The following CADPS2 variants were observed in gnomAD, a reference collection of about 807,000 sequenced individuals.
The protein encoded by CADPS2 is calcium dependent secretion activator 2, also known as calcium-dependent secretion activator 2.
In CADPS2, 93 loss-of-function variants were observed where a neutral mutation model predicts 172.5. The ratio of observed to expected loss-of-function variants is 0.54; its 90% CI spans 0.46 to 0.64. The LOEUF (loss-of-function observed/expected upper bound fraction) is 0.64, where lower values mean the gene tolerates loss of function less well. Among genes scored for constraint, CADPS2 ranks in the 30% least tolerant of loss-of-function variants. CADPS2 has a pLI of 0.00. For missense variants in CADPS2, 1,420 were observed against 1,565.9 expected (o/e 0.91, Z 1.57); for synonymous variants, 546 against 555.2 (o/e 0.98, Z 0.23).
At chr7:122,432,430 A>G (rs2151902510) in intron 17 of CADPS2, among the ~76,000 whole-genome samples, 1 of 152,214 alleles carries the variant, frequency 6.6e-6, no homozygotes, top group East Asian at 1.9e-4. Context: ...ACCTGAGGTC[A>G]GGAGTTCAAG....
At chr7:122,462,008 G>GA (rs1387898639) in intron 14 of CADPS2, among the ~76,000 whole-genome samples, 4 of 152,020 alleles carry the variant, frequency 2.6e-5, no homozygotes, top group African/African-American at 7.2e-5. Flanking sequence ...AACTTTCTTT[G>GA]AAAAAATAGG....
At chr7:122,701,334 G>T (rs182867883) in intron 2 of CADPS2, among the ~76,000 whole-genome samples, 2 of 151,910 alleles carry the variant, frequency 1.3e-5, no homozygotes, top group Non-Finnish European at 2.9e-5. Context: ...GCGAACTATC[G>T]CAAGGACAAA....
intron 7 of CADPS2, among the ~76,000 whole-genome samples, chr7:122,569,978 A>C (rs913679096): frequency 1.2e-4 from 18 of 149,496 alleles, no homozygotes; most frequent in Non-Finnish European, 2.4e-4. Flanking sequence ...GTGGGCAAGG[A>C]CTTCATGTCT....
At chr7:122,443,445 A>G (rs1390683644) in intron 15 of CADPS2, among the ~76,000 whole-genome samples, 3 of 152,202 alleles carry the variant, frequency 2.0e-5, no homozygotes, top group Non-Finnish European at 4.4e-5. Flanking sequence ...ATTATCAAAT[A>G]AAATTCAGCC....
intron 27 of CADPS2, among the ~76,000 whole-genome samples, chr7:122,356,895 C>T (rs141627683): frequency 6.6e-4 from 101 of 152,140 alleles, no homozygotes; most frequent in African/African-American, 2.3e-3. Context: ...TTTTTCAGCA[C>T]CAGCCATTTC....
At chr7:122,474,175 G>C (rs1404528756) in intron 13 of CADPS2, among the ~76,000 whole-genome samples, 1 of 152,108 alleles carries the variant, frequency 6.6e-6, no homozygotes, top group African/African-American at 2.4e-5. Context: ...CACAGCAGTG[G>C]TCTTCAAGTG....
At chr7:122,783,496 G>A (rs919470695) in intron 1 of CADPS2, among the ~76,000 whole-genome samples, 1 of 152,152 alleles carries the variant, frequency 6.6e-6, no homozygotes, top group African/African-American at 2.4e-5. Context: ...CTGTGGGGGT[G>A]TCTGTCCCTT....
At chr7:122,564,894 T>G (rs1477886927) in intron 7 of CADPS2, among the ~76,000 whole-genome samples, 1 of 147,926 alleles carries the variant, frequency 6.8e-6, no homozygotes, top group Non-Finnish European at 1.5e-5. Flanking sequence ...TACCCAGACA[T>G]AAGAGAGAAT....
chr7:122,560,395 T>C (rs2065600804), intron 7 of CADPS2, among the ~76,000 whole-genome samples: 1 of 152,136 alleles, frequency 6.6e-6, no homozygotes, highest in South Asian at 2.1e-4. Context: ...TAAAACAATG[T>C]TTACAAACCA....
chr7:122,731,580 A>C (rs757206581), intron 2 of CADPS2, among the ~76,000 whole-genome samples: 9 of 151,658 alleles, frequency 5.9e-5, no homozygotes, highest in Non-Finnish European at 1.0e-4. Flanking sequence ...AAAAATGGCC[A>C]AAAACGAAGA....
At chr7:122,527,680 G>A (rs1454175188) in intron 8 of CADPS2, among the ~76,000 whole-genome samples, 2 of 149,646 alleles carry the variant, frequency 1.3e-5, no homozygotes, top group Non-Finnish European at 3.0e-5. Flanking sequence ...GCTTCCTTAT[G>A]AGGTTCAGTA....
At chr7:122,352,765 A>G (rs1361814815) in intron 27 of CADPS2, among the ~76,000 whole-genome samples, 6 of 152,228 alleles carry the variant, frequency 3.9e-5, no homozygotes, top group Non-Finnish European at 8.8e-5. Flanking sequence ...AAAAGAAGGA[A>G]GAGGGAAAAC....
chr7:122,759,822 A>T (rs1209382537), intron 1 of CADPS2, among the ~76,000 whole-genome samples: 2 of 152,158 alleles, frequency 1.3e-5, no homozygotes, highest in Non-Finnish European at 2.9e-5. Context: ...TATTCAAATT[A>T]TATGGTAAAT....
At chr7:122,456,074 T>TTCCTGTTCCTTTTACC (rs2053735156) in intron 14 of CADPS2, among the ~76,000 whole-genome samples, 2 of 152,188 alleles carry the variant, frequency 1.3e-5, no homozygotes, top group South Asian at 4.1e-4. Flanking sequence ...GCAGGAACTG[T>TTCCTGTTCCTTTTACC]AGTTAAGTAC....
At chr7:122,602,140 C>G (rs1039917118) in intron 6 of CADPS2, among the ~76,000 whole-genome samples, 6 of 151,414 alleles carry the variant, frequency 4.0e-5, no homozygotes, top group African/African-American at 9.7e-5. Flanking sequence ...GTAGCAGATT[C>G]ACATACCTAT....
intron 1 of CADPS2, among the ~76,000 whole-genome samples, chr7:122,801,633 G>A (rs1290403619): frequency 1.3e-5 from 2 of 151,840 alleles, no homozygotes; most frequent in Non-Finnish European, 2.9e-5. Context: ...GGAACTTTCA[G>A]TAAATGCAAT....
At chr7:122,851,633 G>A (rs1813658471) in intron 1 of CADPS2, among the ~76,000 whole-genome samples, 1 of 152,152 alleles carries the variant, frequency 6.6e-6, no homozygotes, top group South Asian at 2.1e-4. Context: ...TGTGGCTGGG[G>A]AGGCCACACA....
intron 28 of CADPS2, among the ~76,000 whole-genome samples, chr7:122,344,764 T>C (rs1014776982): frequency 6.6e-6 from 1 of 152,162 alleles, no homozygotes; most frequent in African/African-American, 2.4e-5. Flanking sequence ...CTGAACACCA[T>C]GGTAAAATTA....
At chr7:122,491,048 A>G (rs1381597473) in intron 10 of CADPS2, among the ~76,000 whole-genome samples, 1 of 152,156 alleles carries the variant, frequency 6.6e-6, no homozygotes, top group Non-Finnish European at 1.5e-5. Context: ...AAACATTGTA[A>G]TATCTCACCT....
Sources: allele counts gnomAD v4.1 joint callset (sites outside exome capture counted in the v4.1 genomes callset), GRCh38; gene constraint gnomAD v4.1.1; transcripts MANE v1.5; gene names NCBI Gene and HGNC (gene_info 2026-07-23, HGNC 2026-07-21).